MYO16: variants seen among roughly 807,000 people sequenced by gnomAD.
MYO16 encodes myosin XVI.
Under a neutral mutation model 205.3 loss-of-function variants are expected in MYO16, and 94 were observed. That is an observed-to-expected ratio of 0.46 (90% CI 0.39 to 0.54). MYO16 has a LOEUF of 0.54. Among genes scored for constraint, MYO16 ranks in the 20% least tolerant of loss-of-function variants. The probability of loss-of-function intolerance (pLI) is 0.00; values close to 1 mark genes in which losing one functional copy is unlikely to be tolerated. For synonymous variants in MYO16, 988 were observed against 954.0 expected, an observed-to-expected ratio of 1.04 and a Z score of -0.66; for missense variants, 2,315 against 2,387.5, an observed-to-expected ratio of 0.97 and a Z score of 0.63.
At chr13:108,522,852 A>G in the MYO16 span, among the ~76,000 whole-genome samples, 1 of 151,976 alleles carries the variant, frequency 6.6e-6, no homozygotes. Flanking sequence ...TACTCTCATA[A>G]CCTCATCTTA....
the MYO16 span, among the ~76,000 whole-genome samples, chr13:108,533,869 A>G: frequency 6.6e-6 from 1 of 152,332 alleles, no homozygotes; most frequent in East Asian, 1.9e-4. Flanking sequence ...AATTGAACAT[A>G]TATAGCACCC....
chr13:109,175,502 G>C (rs1879128854), intron 33 of MYO16, among the ~76,000 whole-genome samples: 1 of 152,198 alleles, frequency 6.6e-6, no homozygotes, highest in Non-Finnish European at 1.5e-5. Flanking sequence ...GTAGAGTAGG[G>C]TGGACGCAGT....
the MYO16 span, among the ~76,000 whole-genome samples, chr13:108,566,982 G>A: frequency 9.9e-5 from 15 of 152,284 alleles, 1 homozygote; most frequent in East Asian, 2.3e-3. Context: ...GGACAAATGT[G>A]GGAATGTGGC....
the MYO16 span, among the ~76,000 whole-genome samples, chr13:108,557,400 C>T: frequency 2.0e-5 from 3 of 152,088 alleles, no homozygotes; most frequent in Admixed American, 2.0e-4. Flanking sequence ...ATACATTTAA[C>T]AGGGCATCAA....
intron 34 of MYO16, among the ~76,000 whole-genome samples, chr13:109,188,729 G>A (rs1279428362): frequency 2.0e-5 from 3 of 152,136 alleles, no homozygotes. Context: ...AAAGGCCCAA[G>A]AGCCCCTGGC....
At chr13:109,096,824 A>C (rs1416786070) in intron 27 of MYO16, among the ~76,000 whole-genome samples, 1 of 152,210 alleles carries the variant, frequency 6.6e-6, no homozygotes, top group Admixed American at 6.5e-5. Flanking sequence ...GGAGAAACGC[A>C]AACAGGCAGC....
At chr13:109,126,462 G>A (rs1243955836) in intron 30 of MYO16, among the ~76,000 whole-genome samples, 1 of 152,176 alleles carries the variant, frequency 6.6e-6, no homozygotes, top group Non-Finnish European at 1.5e-5. Flanking sequence ...GCTAGCACAT[G>A]ATTACGTTGA....
the MYO16 span, among the ~76,000 whole-genome samples, chr13:108,558,390 C>T: frequency 1.3e-5 from 2 of 152,200 alleles, no homozygotes; most frequent in Non-Finnish European, 2.9e-5. Context: ...GCCATGCTTC[C>T]TTAGGTCTGC....
chr13:108,972,343 TATATAGCC>T (rs1283004100), intron 20 of MYO16, among the ~76,000 whole-genome samples: 1 of 48,468 alleles, frequency 2.1e-5, no homozygotes, highest in African/African-American at 9.0e-5. Flanking sequence ...TATATATATA[TATATAGCC>T]ATATATATAT....
intron 20 of MYO16, among the ~76,000 whole-genome samples, chr13:108,978,907 C>G (rs1884361325): frequency 6.6e-6 from 1 of 151,810 alleles, no homozygotes; most frequent in South Asian, 2.1e-4. Flanking sequence ...TTTTTTGACT[C>G]ACATATATTT....
intron 1 of MYO16, among the ~76,000 whole-genome samples, chr13:108,639,072 T>C (rs1273077954): frequency 6.6e-6 from 1 of 152,178 alleles, no homozygotes; most frequent in East Asian, 1.9e-4. Context: ...TGTTACTCAT[T>C]ATGCAAGGGA....
chr13:109,116,250 A>G (rs943982334), intron 28 of MYO16, among the ~76,000 whole-genome samples: 24 of 151,926 alleles, frequency 1.6e-4, no homozygotes, highest in African/African-American at 4.8e-4. Flanking sequence ...CAGATCTCCA[A>G]CCTCCACCGA....
At chr13:108,941,351 C>T (rs1273851017) in intron 16 of MYO16, among the ~76,000 whole-genome samples, 1 of 152,114 alleles carries the variant, frequency 6.6e-6, no homozygotes, top group Non-Finnish European at 1.5e-5. Context: ...TCCTGCCATG[C>T]CCCAAAGCAT....
chr13:109,091,892 G>C (rs1029056567), intron 27 of MYO16, among the ~76,000 whole-genome samples: 4 of 152,270 alleles, frequency 2.6e-5, no homozygotes, highest in Non-Finnish European at 2.9e-5. Flanking sequence ...AAGATAAATA[G>C]TATAATATCT....
intron 27 of MYO16, among the ~76,000 whole-genome samples, chr13:109,077,535 G>A (rs138821481): frequency 5.1e-4 from 77 of 152,262 alleles, no homozygotes; most frequent in African/African-American, 1.8e-3. Flanking sequence ...TACTCCTGGT[G>A]CTGTACACTC....
chr13:108,697,805 C>T (rs1001288013), intron 2 of MYO16, among the ~76,000 whole-genome samples: 2 of 152,134 alleles, frequency 1.3e-5, no homozygotes, highest in Non-Finnish European at 2.9e-5. Context: ...TAACTGCAAC[C>T]TCTGCCTCCA....
chr13:108,640,163 TAGAA>T (rs1281528401), intron 1 of MYO16, among the ~76,000 whole-genome samples: 1 of 152,174 alleles, frequency 6.6e-6, no homozygotes, highest in Non-Finnish European at 1.5e-5. Flanking sequence ...TCAGAAATTT[TAGAA>T]GGGCAGATAA....
chr13:108,606,627 G>C (rs778533575), intron 1 of MYO16, among the ~76,000 whole-genome samples: 3 of 152,212 alleles, frequency 2.0e-5, no homozygotes, highest in Non-Finnish European at 4.4e-5. Context: ...TCTGCTGCAG[G>C]GGTGGAGCCC....
intron 10 of MYO16, among the ~76,000 whole-genome samples, chr13:108,852,248 C>T (rs1322266400): frequency 2.6e-5 from 4 of 152,268 alleles, no homozygotes; most frequent in African/African-American, 9.6e-5. Flanking sequence ...TAGGGGAAGT[C>T]ACAAACATCA....
Sources: gnomAD v4.1 joint callset for allele counts (sites outside exome capture counted in the v4.1 genomes callset) on GRCh38, gnomAD v4.1.1 for gene constraint, MANE v1.5 for transcripts, NCBI Gene and HGNC (gene_info 2026-07-23, HGNC 2026-07-21) for gene names.